Variants in MAVS observed in about 807,000 individuals in gnomAD.
MAVS encodes mitochondrial antiviral-signaling protein.
A neutral mutation model predicts 30.2 loss-of-function variants in MAVS; 20 were observed. The observed-to-expected ratio is 0.66, with a 90% confidence interval of 0.47 to 0.96. The LOEUF (loss-of-function observed/expected upper bound fraction) is 0.96, where lower values mean the gene tolerates loss of function less well. MAVS is among the 40% of genes least tolerant of loss of function. The pLI is 0.00. For synonymous variants in MAVS, 278 were observed against 293.9 expected, an observed-to-expected ratio of 0.95 and a Z score of 0.55; for missense variants, 624 against 701.1, an observed-to-expected ratio of 0.89 and a Z score of 1.24.
At chr20:3,853,819 G>A (rs1315651252) in intron 1 of MAVS, among the ~76,000 whole-genome samples, 3 of 151,918 alleles carry the variant, frequency 2.0e-5, no homozygotes, top group African/African-American at 4.8e-5. Flanking sequence ...ACAGAGTTTC[G>A]CTCTTGTTGC....
At position 3,866,780 on chromosome 20, in the gene MAVS, A is replaced by G; in HGVS notation, c.*633A>G. The stretch of plus-strand genomic sequence containing the variant: ...CTCAGGGAAGCCAGGGGCAGCTGTC[A>G]GGCCTGAGGAAGACCTGTGGAGCTC... On this transcript the variant is annotated 3_prime_UTR_variant, in exon 7 of 7. Transcript: ENST00000428216. The G allele has an allele frequency of 2.5e-6, 1 of 403,190 alleles. No homozygotes were observed. Among genetic ancestry groups the G allele is most frequent in the Non-Finnish European group, 5.0e-6 (1 of 201,250 alleles). The allele number at this position is 403,190 out of a possible 1,614,324, so 25.0% of individuals were successfully genotyped here.
At chr20:3,861,134 AG>A (rs1259847034) in intron 3 of MAVS, among the ~76,000 whole-genome samples, 197 bp from the exon 4 acceptor site, 4 of 152,040 alleles carry the variant, frequency 2.6e-5, no homozygotes, top group Admixed American at 2.6e-4. Flanking sequence ...CTGGGACTAC[AG>A]GGGCCCGCCA....
At chr20:3,849,798 T>A (rs1459626814) in intron 1 of MAVS, among the ~76,000 whole-genome samples, 7 of 152,162 alleles carry the variant, frequency 4.6e-5, no homozygotes, top group Admixed American at 3.3e-4. Flanking sequence ...AATTTACTGA[T>A]CTGTTATTTG....
intron 3 of MAVS, among the ~76,000 whole-genome samples, chr20:3,859,955 T>C (rs898442166): frequency 1.3e-5 from 2 of 151,806 alleles, no homozygotes; most frequent in Non-Finnish European, 2.9e-5. Context: ...TAGCTGGGAC[T>C]ACAGGCGCCT....
Position 3,846,845 on chromosome 20 carries a change from G to A in MAVS, c.-126G>A, listed in dbSNP as rs1042801807. The A allele has an allele frequency of 3.3e-5, 5 of 152,326 alleles. No homozygotes were observed. The highest frequency in any genetic ancestry group is 7.3e-5 in the Non-Finnish European group (5 of 68,112). The allele number at this position is 152,326 out of a possible 1,614,324, so 9.4% of individuals were successfully genotyped here. On this transcript the variant is annotated 5_prime_UTR_variant, in exon 1 of 7. Transcript: ENST00000428216. ...TCTGCCCGCCCCGCCTCCTCGCTGC[G>A]GGAAGGGTCCTGGGCCCCGGGCGGC...
intron 1 of MAVS, among the ~76,000 whole-genome samples, chr20:3,848,737 A>T (rs1291791286): frequency 1.3e-5 from 2 of 152,114 alleles, no homozygotes; most frequent in African/African-American, 4.8e-5. Context: ...CTTGGAATCC[A>T]ATAGCATCTC....
Position 3,865,910 on chromosome 20 carries a change from C to T in MAVS, c.1386C>T (p.Ser462=), listed in dbSNP as rs750632245. Residue 462 remains serine, a synonymous_variant, in exon 7 of 7, where the codon TCC becomes TCT. Coordinates refer to ENST00000428216, the MANE Select transcript of MAVS (RefSeq NM_020746.5). This position sits in a 1 kb window ranked among gnomAD's most constrained non-coding sequence, Gnocchi z 4.7. ...GCCCAGAGGAGAATGAGTATAAGTC[C>T]GAGGGCACCTTTGGGATCCACGTGG... is the stretch of plus-strand genomic sequence containing the variant. The part of the protein sequence containing the change: ...CHGPEENEYK[S]EGTFGIHVAE... 1.1e-5 allele frequency: 18 copies of T among 1,613,842 alleles called. No homozygotes were observed. The highest frequency in any genetic ancestry group is 9.3e-5 in the African/African-American group (7 of 74,928).
In MAVS at chr20:3,873,188, C is replaced by T. The variant is rs1402983797; in HGVS notation, c.*7041C>T. 6.6e-6 allele frequency: 1 copy of T among 152,114 alleles called. No homozygotes were observed. Among genetic ancestry groups the T allele is most frequent in the Admixed American group, 6.6e-5 (1 of 15,228 alleles). 9.4% of individuals were successfully genotyped at this position (152,114 alleles called of 1,614,324 possible). A position where few individuals can be genotyped will look rare whatever the true frequency, so the allele number is the denominator to read the frequency against. ...GCTGTGTTGTGAATGTAGGTGTACC[C>T]TTTGAATTCATATGTTGAATCCTAA... On this transcript the variant is annotated 3_prime_UTR_variant, in exon 7 of 7. Coordinates refer to ENST00000428216, the MANE Select transcript of MAVS (RefSeq NM_020746.5).
At chr20:3,853,114 C>T (rs994692518) in intron 1 of MAVS, among the ~76,000 whole-genome samples, 12 of 149,488 alleles carry the variant, frequency 8.0e-5, no homozygotes, top group African/African-American at 2.9e-4. Flanking sequence ...GCTGGGGTTA[C>T]AGGCGTGAGC....
At position 3,871,089 on chromosome 20, in the gene MAVS, C is replaced by T. The variant is rs985929011; in HGVS notation, c.*4942C>T. On this transcript the variant is annotated 3_prime_UTR_variant, in exon 7 of 7. Transcript: ENST00000428216. ...AGAGATGGGGTTTCACCATGTTGGC[C>T]AGGCTGGTCTCGAACTCCTGACCTC... is the stretch of plus-strand genomic sequence containing the variant. 1 of 153,640 alleles carries T rather than the reference C, an allele frequency of 6.5e-6. No individual in the cohort carries two copies. The highest frequency in any genetic ancestry group is 1.5e-5 in the Non-Finnish European group (1 of 68,090). The allele number at this position is 153,640 out of a possible 1,614,324, so 9.5% of individuals were successfully genotyped here.
At chr20:3,854,480 T>G in intron 1 of MAVS, 78 bp from the exon 2 acceptor site, 19 of 478,422 alleles carry the variant, frequency 4.0e-5, no homozygotes, top group Non-Finnish European at 4.8e-5. Flanking sequence ...TCCAAAAAGT[T>G]GAGAAAGAAT....
intron 2 of MAVS, 147 bp downstream of exon 2, chr20:3,854,888 T>TTTA: frequency 1.0e-4 from 47 of 472,056 alleles, no homozygotes; most frequent in Middle Eastern, 5.5e-4. Context: ...CCTTGCTGCT[T>TTTA]TTCTTTTTTT....
intron 5 of MAVS, 119 bp from the exon 6 acceptor site, chr20:3,864,137 G>C: frequency 1.7e-6 from 2 of 1,143,662 alleles, no homozygotes; most frequent in Non-Finnish European, 2.5e-6. Context: ...CCAAGGGCAG[G>C]AGATTTGGAG....
Position 3,865,867 on chromosome 20 carries a change from G to A in MAVS, c.1343G>A (p.Gly448Asp). 1 of 1,614,062 alleles carries A rather than the reference G, an allele frequency of 6.2e-7. No individual in the cohort carries two copies. ...DLAISASTSL[G>D]MGPCHGPEEN... ...GCCATCAGTGCCAGCACCTCCTTGG[G>A]CATGGGGCCCTGCCATGGCCCAGAG... The change falls in exon 7 of 7, where the codon GGC (glycine) becomes GAC (aspartate). Residue 448 changes from glycine to aspartate, a missense_variant. Physicochemically the swap from Gly to Asp is moderately conservative, Grantham distance 94. Transcript: ENST00000428216. This position sits in a 1 kb window ranked among gnomAD's most constrained non-coding sequence, Gnocchi z 4.7.
At chr20:3,858,990 A>C (rs1308437825) in intron 3 of MAVS, among the ~76,000 whole-genome samples, 1 of 151,808 alleles carries the variant, frequency 6.6e-6, no homozygotes, top group Admixed American at 6.6e-5. Context: ...TGTAGAGATG[A>C]CATCTCACTA....
rs756412486 is a variant in MAVS at position 3,854,684 on chromosome 20, C to T, written c.60C>T (p.Cys20=). ...TCTGCCGCAATTTCAGCAATTTTTG[C>T]AATGTGGATGTTGTAGAGATTCTGC... ...KYICRNFSNF[C]NVDVVEILPY... The change falls in exon 2 of 7, where the codon TGC becomes TGT. Residue 20 remains cysteine (C), a synonymous_variant. Transcript: ENST00000428216. 1 of 1,613,718 alleles carries T rather than the reference C, an allele frequency of 6.2e-7. No homozygotes were observed. The highest frequency in any genetic ancestry group is 1.3e-5 in the African/African-American group (1 of 74,870).
rs546187055 is a variant in MAVS at position 3,854,211 on chromosome 20, C to G, written c.-67-347C>G. Among the ~76,000 whole-genome samples the G allele has an allele frequency of 3.5e-4, 53 of 151,874 alleles. 1 individual carries two copies. The highest frequency in any genetic ancestry group is 2.2e-4 in the Non-Finnish European group (15 of 67,966). On this transcript the variant is annotated intron_variant, in intron 1 of 6. Coordinates refer to ENST00000428216, the MANE Select transcript of MAVS (RefSeq NM_020746.5). ...CCGAGGCGGGTGGACCACTTGAGGT[C>G]AGGAGTCTGTGACCAGCTTGCCAAC...
At chr20:3,848,350 C>T (rs557240170) in intron 1 of MAVS, among the ~76,000 whole-genome samples, 68 of 152,288 alleles carry the variant, frequency 4.5e-4, no homozygotes, top group East Asian at 7.7e-4. Context: ...CTGCCTGCCT[C>T]GGCCTCCCAA....
At chr20:3,856,787 G>A (rs572770468) in intron 2 of MAVS, among the ~76,000 whole-genome samples, 11 of 151,846 alleles carry the variant, frequency 7.2e-5, no homozygotes, top group South Asian at 4.2e-4. Context: ...TAATCCCAGC[G>A]CTTTGGGAGG....
Sources: allele counts gnomAD v4.1 joint callset (sites outside exome capture counted in the v4.1 genomes callset), GRCh38; gene constraint gnomAD v4.1.1; non-coding constraint Gnocchi (gnomAD v3.1); transcripts MANE v1.5; gene names NCBI Gene and HGNC (gene_info 2026-07-23, HGNC 2026-07-21).